HDAC9: variants seen among roughly 807,000 people sequenced by gnomAD.
The protein encoded by HDAC9 is histone deacetylase 9, also known as MEF-2 interacting transcription repressor (MITR) protein.
In HDAC9, 41 loss-of-function variants were observed where a neutral mutation model predicts 139.4. That is an observed-to-expected ratio of 0.29 (90% confidence interval 0.23 to 0.38). The LOEUF (loss-of-function observed/expected upper bound fraction) is 0.38. Ranked by LOEUF, HDAC9 falls within the 10% of genes least tolerant of loss-of-function variation. The pLI, the probability that HDAC9 is intolerant of heterozygous loss-of-function variation, is 1.00. For synonymous variants in HDAC9, 517 were observed against 476.2 expected (o/e 1.09, Z -1.12); for missense variants, 1,147 against 1,297.0 (o/e 0.88, Z 1.78).
chr7:18,783,113 T>C (rs568020619), intron 16 of HDAC9, among the ~76,000 whole-genome samples: 1 of 152,238 alleles, frequency 6.6e-6, no homozygotes, highest in Admixed American at 6.5e-5. Context: ...AGTCTGTAGG[T>C]ACCAAATTTT....
At chr7:18,571,359 A>C (rs1824216811) in intron 2 of HDAC9, among the ~76,000 whole-genome samples, 1 of 152,194 alleles carries the variant, frequency 6.6e-6, no homozygotes, top group Non-Finnish European at 1.5e-5. Context: ...ACTGATTTTC[A>C]AACTGAGTTC....
intron 1 of HDAC9, among the ~76,000 whole-genome samples, chr7:18,345,455 C>T (rs972764899): frequency 1.8e-4 from 28 of 151,818 alleles, no homozygotes; most frequent in African/African-American, 6.0e-4. Flanking sequence ...TCACAATTCT[C>T]CTAGCCAACC....
chr7:18,561,760 T>C (rs1322812192), intron 2 of HDAC9, among the ~76,000 whole-genome samples: 1 of 152,246 alleles, frequency 6.6e-6, no homozygotes, highest in Non-Finnish European at 1.5e-5. Flanking sequence ...ACCCATATTG[T>C]AGCATGTAAC....
intron 12 of HDAC9, chr7:18,667,343 C>A: frequency 1.0e-6 from 1 of 984,216 alleles, no homozygotes; most frequent in Non-Finnish European, 1.2e-6. Context: ...TATCTGATAT[C>A]AAGTCAAAAT....
intron 2 of HDAC9, among the ~76,000 whole-genome samples, chr7:18,510,824 G>A (rs1331902026): frequency 1.3e-5 from 2 of 152,160 alleles, no homozygotes; most frequent in African/African-American, 4.8e-5. Context: ...AGAAGAATGA[G>A]AAAATTATCT....
intron 12 of HDAC9, among the ~76,000 whole-genome samples, chr7:18,708,399 A>T (rs1784098092): frequency 3.3e-5 from 5 of 152,212 alleles, no homozygotes; most frequent in Admixed American, 2.6e-4. Context: ...GTGTGTCCAC[A>T]TGGCTTTCTC....
At chr7:18,164,972 A>G (rs1010028830) in intron 2 of HDAC9, among the ~76,000 whole-genome samples, 2 of 152,206 alleles carry the variant, frequency 1.3e-5, no homozygotes, top group Non-Finnish European at 2.9e-5. Context: ...AACAAGCACT[A>G]AAACATAGTT....
intron 2 of HDAC9, among the ~76,000 whole-genome samples, chr7:18,265,507 T>C (rs890726306): frequency 6.6e-6 from 1 of 151,984 alleles, no homozygotes; most frequent in Non-Finnish European, 1.5e-5. Flanking sequence ...TTACAAAGAG[T>C]CTATGCACAT....
chr7:18,450,613 G>A (rs975445901), intron 1 of HDAC9, among the ~76,000 whole-genome samples: 4 of 152,186 alleles, frequency 2.6e-5, no homozygotes, highest in African/African-American at 9.7e-5. Flanking sequence ...ACATTTGATT[G>A]AGACTTTAAG....
intron 2 of HDAC9, among the ~76,000 whole-genome samples, chr7:18,180,909 T>A (rs143587962): frequency 7.2e-5 from 11 of 152,322 alleles, no homozygotes; most frequent in African/African-American, 2.6e-4. Flanking sequence ...TAGCATCTGG[T>A]GGCTGCTGGC....
intron 2 of HDAC9, among the ~76,000 whole-genome samples, chr7:18,218,337 A>G (rs1792455013): frequency 6.6e-6 from 1 of 152,056 alleles, no homozygotes; most frequent in African/African-American, 2.4e-5. Context: ...CCAGTTACTC[A>G]GAAGGCTGAG....
intron 21 of HDAC9, among the ~76,000 whole-genome samples, chr7:18,854,734 T>A (rs1035866123): frequency 6.6e-6 from 1 of 152,014 alleles, no homozygotes; most frequent in Non-Finnish European, 1.5e-5. Context: ...TTGGGGTAAT[T>A]TTTTAAATGG....
chr7:18,401,100 T>A (rs1318309189), intron 1 of HDAC9, among the ~76,000 whole-genome samples: 1 of 152,232 alleles, frequency 6.6e-6, no homozygotes, highest in Admixed American at 6.5e-5. Context: ...TTACTTTTAA[T>A]CATTTTGGTC....
chr7:18,700,335 C>G (rs1166220048), intron 12 of HDAC9, among the ~76,000 whole-genome samples: 1 of 152,188 alleles, frequency 6.6e-6, no homozygotes, highest in African/African-American at 2.4e-5. Context: ...ACTTGACCAA[C>G]CCTTTAACCC....
chr7:18,465,413 A>T (rs1794187276), intron 1 of HDAC9, among the ~76,000 whole-genome samples: 1 of 151,872 alleles, frequency 6.6e-6, no homozygotes, highest in African/African-American at 2.4e-5. Flanking sequence ...GTGATCCTTC[A>T]TTATATATTC....
intron 25 of HDAC9, among the ~76,000 whole-genome samples, chr7:18,977,067 A>G (rs1337539314): frequency 2.6e-5 from 4 of 152,210 alleles, no homozygotes; most frequent in East Asian, 1.9e-4. Flanking sequence ...TTTTTATGCA[A>G]TTATTTTCTC....
intron 2 of HDAC9, among the ~76,000 whole-genome samples, chr7:18,173,993 T>A (rs1394969630): frequency 6.6e-6 from 1 of 152,172 alleles, no homozygotes; most frequent in Non-Finnish European, 1.5e-5. Context: ...AATGTTGGCC[T>A]GTCTTGTTAG....
intron 22 of HDAC9, among the ~76,000 whole-genome samples, chr7:18,876,638 G>T (rs1273790779): frequency 1.3e-5 from 2 of 151,792 alleles, no homozygotes; most frequent in Admixed American, 6.6e-5. Flanking sequence ...AGGTGAAATT[G>T]CATGAGGCAT....
intron 1 of HDAC9, among the ~76,000 whole-genome samples, chr7:18,423,001 T>G (rs763283787): frequency 4.6e-5 from 7 of 152,190 alleles, no homozygotes; most frequent in Non-Finnish European, 1.0e-4. Context: ...ATGCATCAGT[T>G]TTCTATCAAA....
Sources: gnomAD v4.1 joint callset for allele counts (sites outside exome capture counted in the v4.1 genomes callset) on GRCh38, gnomAD v4.1.1 for gene constraint, MANE v1.5 for transcripts, NCBI Gene and HGNC (gene_info 2026-07-23, HGNC 2026-07-21) for gene names.